RSRC1: variants seen among roughly 807,000 people sequenced by gnomAD.
RSRC1 encodes serine/Arginine-related protein 53.
In RSRC1, 39 loss-of-function variants were observed where a neutral mutation model predicts 49.1. The ratio of observed to expected loss-of-function variants is 0.79; its 90% CI spans 0.61 to 1.04. The LOEUF is 1.04. Among genes scored for constraint, RSRC1 ranks in the 50% least tolerant of loss-of-function variants. The pLI, the probability that RSRC1 is intolerant of heterozygous loss-of-function variation, is 0.00. For synonymous variants in RSRC1, 143 were observed against 130.8 expected, an observed-to-expected ratio of 1.09 and a Z score of -0.63; for missense variants, 388 against 402.4, an observed-to-expected ratio of 0.96 and a Z score of 0.31.
chr3:158,284,335 T>C (rs1230322793), intron 4 of RSRC1, among the ~76,000 whole-genome samples: 1 of 151,046 alleles, frequency 6.6e-6, no homozygotes, highest in Admixed American at 6.6e-5. Flanking sequence ...CTATTGTGAA[T>C]AGTGCCACAA....
intron 5 of RSRC1, among the ~76,000 whole-genome samples, chr3:158,334,649 T>TTGTGTGTGTGTG (rs71840277): frequency 0.074 from 10,211 of 137,354 alleles, 463 homozygotes; most frequent in Non-Finnish European, 0.084. Flanking sequence ...CCCAGCTAAT[T>TTGTGTGTGTGTG]TGTGTGTGTG....
In RSRC1 at chr3:158,318,583, T is replaced by G. The variant is rs771807657; in HGVS notation, c.531+20508T>G. On this transcript the variant is annotated intron_variant, in intron 5 of 9. Transcript: ENST00000611884. Reference sequence around the variant, plus strand: ...TGTTCACAAACACAGGCCTTAGTAGTTGGGGGGAAAAAGAAAAAAGGACCA... The same window carrying G: ...TGTTCACAAACACAGGCCTTAGTAGGTGGGGGGAAAAAGAAAAAAGGACCA... 1.1e-3 allele frequency among the ~76,000 whole-genome samples: 168 copies of G among 152,240 alleles called. 1 individual carries two copies. Among genetic ancestry groups the G allele is most frequent in the Non-Finnish European group, 2.1e-3 (140 of 68,016 alleles).
intron 5 of RSRC1, among the ~76,000 whole-genome samples, chr3:158,334,816 A>G (rs571168488): frequency 6.6e-6 from 1 of 152,240 alleles, no homozygotes; most frequent in South Asian, 2.1e-4. Flanking sequence ...CACTGCACCC[A>G]GCCACTCAAA....
At chr3:158,144,528 C>T (rs1305719471) in intron 3 of RSRC1, among the ~76,000 whole-genome samples, 2 of 152,184 alleles carry the variant, frequency 1.3e-5, no homozygotes, top group Non-Finnish European at 1.5e-5. Context: ...TTAATCCAGT[C>T]TATCACTGAT....
At chr3:158,338,568 G>A (rs1730046512) in intron 5 of RSRC1, among the ~76,000 whole-genome samples, 2 of 152,196 alleles carry the variant, frequency 1.3e-5, no homozygotes, top group South Asian at 4.1e-4. Flanking sequence ...GTTTTTTAAA[G>A]TTGTGCATCT....
chr3:158,353,529 T>C (rs1017317563), intron 5 of RSRC1, among the ~76,000 whole-genome samples: 2 of 152,210 alleles, frequency 1.3e-5, no homozygotes, highest in South Asian at 4.1e-4. Context: ...TCCAGGTCTA[T>C]AGTCTCTTAA....
chr3:158,447,902 T>A (rs1419379732), intron 6 of RSRC1, among the ~76,000 whole-genome samples: 1 of 151,908 alleles, frequency 6.6e-6, no homozygotes, highest in Non-Finnish European at 1.5e-5. Context: ...TGGATTTTCG[T>A]TCTTATTTTT....
At chr3:158,309,698 A>G (rs986565506) in intron 5 of RSRC1, among the ~76,000 whole-genome samples, 2 of 151,796 alleles carry the variant, frequency 1.3e-5, no homozygotes, top group Non-Finnish European at 3.0e-5. Flanking sequence ...TTATTTATAT[A>G]TTGTCAAAAC....
chr3:158,301,460 G>A (rs73166397), intron 5 of RSRC1, among the ~76,000 whole-genome samples: 20,955 of 151,996 alleles, frequency 0.14, 1,566 homozygotes, highest in Middle Eastern at 0.21. Flanking sequence ...GTTATTGTTA[G>A]TTACTTCCCT....
intron 4 of RSRC1, among the ~76,000 whole-genome samples, chr3:158,228,290 G>A (rs79982903): frequency 0.042 from 6,451 of 151,988 alleles, 442 homozygotes; most frequent in African/African-American, 0.15. Context: ...CAGGGAATAA[G>A]TAATCTGGTG....
At chr3:158,159,687 A>C (rs1422222809) in intron 3 of RSRC1, among the ~76,000 whole-genome samples, 3 of 152,170 alleles carry the variant, frequency 2.0e-5, no homozygotes, top group Admixed American at 2.0e-4. Context: ...TGAATAGAAA[A>C]GCTTACATAG....
intron 3 of RSRC1, among the ~76,000 whole-genome samples, chr3:158,165,161 A>G (rs1718461507): frequency 6.6e-6 from 1 of 152,222 alleles, no homozygotes; most frequent in Non-Finnish European, 1.5e-5. Context: ...GAACACATTA[A>G]TTAGAACCAT....
intron 6 of RSRC1, among the ~76,000 whole-genome samples, chr3:158,399,797 G>A (rs970329156): frequency 1.3e-5 from 2 of 151,884 alleles, no homozygotes; most frequent in Admixed American, 1.3e-4. Flanking sequence ...TCCAAGCTGT[G>A]GACTAGCTCC....
At chr3:158,314,404 C>CTTT (rs11382163) in intron 5 of RSRC1, among the ~76,000 whole-genome samples, 1 of 145,586 alleles carries the variant, frequency 6.9e-6, no homozygotes, top group East Asian at 2.0e-4. Flanking sequence ...AAAAAAAATT[C>CTTT]TTTTTTTTTT....
chr3:158,138,688 T>C (rs1559914906), intron 3 of RSRC1, among the ~76,000 whole-genome samples: 1 of 152,252 alleles, frequency 6.6e-6, no homozygotes. Context: ...TTTTCCATCA[T>C]TGTGTTATAA....
At chr3:158,154,881 A>G (rs1717768849) in intron 3 of RSRC1, among the ~76,000 whole-genome samples, 1 of 152,220 alleles carries the variant, frequency 6.6e-6, no homozygotes, top group Non-Finnish European at 1.5e-5. Flanking sequence ...CATCTTCACC[A>G]GCAGTGGATT....
intron 3 of RSRC1, among the ~76,000 whole-genome samples, chr3:158,197,138 T>C: frequency 6.6e-6 from 1 of 152,152 alleles, no homozygotes; most frequent in Admixed American, 6.6e-5. Context: ...TCCTGGACTG[T>C]TTTTGGTTGG....
intron 7 of RSRC1, among the ~76,000 whole-genome samples, chr3:158,530,078 A>G (rs16829064): frequency 0.082 from 12,458 of 151,962 alleles, 552 homozygotes; most frequent in East Asian, 0.12. Flanking sequence ...CAGGTTTACC[A>G]GAAGATGTAT....
At chr3:158,472,859 T>C (rs1311045214) in intron 7 of RSRC1, among the ~76,000 whole-genome samples, 1 of 152,226 alleles carries the variant, frequency 6.6e-6, no homozygotes, top group Non-Finnish European at 1.5e-5. Flanking sequence ...AGATCCCATT[T>C]GTCAATTTTG....
Sources: allele counts gnomAD v4.1 joint callset (sites outside exome capture counted in the v4.1 genomes callset), GRCh38; gene constraint gnomAD v4.1.1; transcripts MANE v1.5; gene names NCBI Gene and HGNC (gene_info 2026-07-23, HGNC 2026-07-21).